Variants in NREP observed in about 807,000 individuals in gnomAD.
NREP encodes neuronal regeneration-related protein.
A neutral mutation model predicts 8.6 loss-of-function variants in NREP; 5 were observed. That is an observed-to-expected ratio of 0.58 (90% CI 0.30 to 1.22). The LOEUF is 1.22. Among genes scored for constraint, NREP ranks in the 50% most tolerant of loss-of-function variants. The probability of loss-of-function intolerance (pLI) is 0.07; values close to 1 mark genes in which losing one functional copy is unlikely to be tolerated. For synonymous variants in NREP, 27 were observed against 28.0 expected (o/e 0.96, Z 0.11); for missense variants, 86 against 82.5 (o/e 1.04, Z -0.17).
intron 2 of NREP, among the ~76,000 whole-genome samples, chr5:111,867,110 C>A (rs189674829): frequency 3.3e-5 from 5 of 150,860 alleles, no homozygotes; most frequent in African/African-American, 1.2e-4. Context: ...CTAACCTGCA[C>A]GTTGTGCACA....
intron 2 of NREP, among the ~76,000 whole-genome samples, chr5:111,908,361 G>A (rs750478073): frequency 2.0e-5 from 3 of 151,926 alleles, no homozygotes; most frequent in African/African-American, 2.4e-5. Context: ...GAGATTTGGG[G>A]TATGATTGAT....
chr5:111,885,869 C>T (rs1361207290), intron 2 of NREP, among the ~76,000 whole-genome samples: 1 of 152,114 alleles, frequency 6.6e-6, no homozygotes, highest in African/African-American at 2.4e-5. Context: ...CATAAAAACC[C>T]TAGAAGAAAA....
chr5:111,734,702 T>C (rs1271071081), intron 3 of NREP: 12 of 700,140 alleles, frequency 1.7e-5, no homozygotes, highest in African/African-American at 1.0e-4. Flanking sequence ...AACTTTCAAA[T>C]AGAAATTTTA....
intron 3 of NREP, chr5:111,732,919 C>T (rs2112781826): frequency 6.6e-6 from 1 of 152,320 alleles, no homozygotes; most frequent in East Asian, 1.9e-4. Flanking sequence ...CCAGTTCAGA[C>T]TTACTCTGTT....
intron 2 of NREP, among the ~76,000 whole-genome samples, chr5:111,840,629 G>A (rs1169365108): frequency 6.6e-6 from 1 of 152,110 alleles, no homozygotes; most frequent in Non-Finnish European, 1.5e-5. Context: ...ATTAGCTTAA[G>A]TCAGTCACTC....
chr5:111,845,277 CTT>C (rs34082231), intron 2 of NREP, among the ~76,000 whole-genome samples: 90 of 148,006 alleles, frequency 6.1e-4, no homozygotes, highest in Non-Finnish European at 6.1e-4. Context: ...CTCAATGCAT[CTT>C]TTTTTTTTTT....
intron 2 of NREP, among the ~76,000 whole-genome samples, chr5:111,843,598 A>T (rs1753085585): frequency 6.6e-6 from 1 of 151,808 alleles, no homozygotes; most frequent in Non-Finnish European, 1.5e-5. Flanking sequence ...TGTTGATGTC[A>T]TTGTCATTCT....
intron 2 of NREP, among the ~76,000 whole-genome samples, chr5:111,810,223 C>T (rs972395235): frequency 2.6e-5 from 4 of 152,002 alleles, no homozygotes; most frequent in African/African-American, 4.8e-5. Flanking sequence ...CATGAGGCAA[C>T]GGAAACTGTG....
chr5:111,801,047 G>A (rs778462017), intron 2 of NREP, among the ~76,000 whole-genome samples: 14 of 152,164 alleles, frequency 9.2e-5, no homozygotes, highest in Non-Finnish European at 1.8e-4. Flanking sequence ...CCCTGAAGAA[G>A]CTTGTCTCCT....
chr5:111,732,318 C>G (rs1401974691), intron 3 of NREP: 2 of 151,798 alleles, frequency 1.3e-5, no homozygotes, highest in African/African-American at 4.8e-5. Context: ...GATTATTCAA[C>G]TTTAAAAAGT....
chr5:111,816,165 A>G (rs1752381018), intron 2 of NREP, among the ~76,000 whole-genome samples: 1 of 151,864 alleles, frequency 6.6e-6, no homozygotes, highest in African/African-American at 2.4e-5. Flanking sequence ...ATATATTTCC[A>G]AAAAAAAGTT....
chr5:111,738,288 C>T (rs1749334030), intron 2 of NREP: 1 of 152,156 alleles, frequency 6.6e-6, no homozygotes, highest in Admixed American at 6.5e-5. Context: ...ATTACCTTTG[C>T]TCTCAAATGA....
chr5:111,829,753 C>A (rs1189038940), intron 2 of NREP, among the ~76,000 whole-genome samples: 1 of 152,180 alleles, frequency 6.6e-6, no homozygotes, highest in African/African-American at 2.4e-5. Flanking sequence ...TGCTATTTTT[C>A]TGTGTTGGAT....
intron 2 of NREP, among the ~76,000 whole-genome samples, chr5:111,954,647 T>G (rs1033451733): frequency 2.3e-4 from 35 of 151,914 alleles, no homozygotes; most frequent in Non-Finnish European, 2.6e-4. Context: ...GGAAAAGAAA[T>G]AAAGAGATAA....
chr5:111,765,875 G>T (rs1178629300), intron 2 of NREP, among the ~76,000 whole-genome samples: 1 of 151,970 alleles, frequency 6.6e-6, no homozygotes, highest in African/African-American at 2.4e-5. Context: ...GGTTCTTCAG[G>T]CAGAACGATT....
At chr5:111,927,841 G>C (rs182991664) in intron 2 of NREP, among the ~76,000 whole-genome samples, 45 of 152,232 alleles carry the variant, frequency 3.0e-4, no homozygotes, top group African/African-American at 9.6e-4. Flanking sequence ...AGATCCTACT[G>C]TAACTTGTGT....
At chr5:111,852,276 G>C (rs28710996) in intron 2 of NREP, among the ~76,000 whole-genome samples, 15,652 of 116,380 alleles carry the variant, frequency 0.13, 977 homozygotes, top group African/African-American at 0.17. Context: ...CACATGTATA[G>C]TCTATTTTTT....
chr5:111,773,164 T>A lies in NREP; in HGVS notation c.136-37657A>T, dbSNP rs1310624689. 2.6e-5 allele frequency among the ~76,000 whole-genome samples: 4 copies of A among 152,144 alleles called. No individual in the cohort carries two copies. In the East Asian group the frequency reaches 7.7e-4, roughly 29 times the overall value. On this transcript the variant is annotated intron_variant, in intron 2 of 3. Coordinates refer to the NREP transcript ENST00000395634. ...TTTTAAATTTTTTTTTAAACTACTG[T>A]CTTTGCAGGAGACTGAGCTTCAATT...
chr5:111,968,287 A>G (rs930355249), intron 2 of NREP, among the ~76,000 whole-genome samples: 1 of 152,186 alleles, frequency 6.6e-6, no homozygotes, highest in African/African-American at 2.4e-5. Context: ...ATAAGAAAAG[A>G]TAAGTTATGA....
Sources: allele counts gnomAD v4.1 joint callset (sites outside exome capture counted in the v4.1 genomes callset), GRCh38; gene constraint gnomAD v4.1.1; transcripts MANE v1.5; gene names NCBI Gene and HGNC (gene_info 2026-07-23, HGNC 2026-07-21).